RIPOR2: variants seen among roughly 807,000 people sequenced by gnomAD.
RIPOR2 encodes the protein RHO family interacting cell polarization regulator 2.
Under a neutral mutation model 114.5 loss-of-function variants are expected in RIPOR2, and 39 were observed. The ratio of observed to expected loss-of-function variants is 0.34; its 90% CI spans 0.26 to 0.44. The LOEUF (loss-of-function observed/expected upper bound fraction) is 0.44, where lower values mean the gene tolerates loss of function less well. RIPOR2 is among the 20% of genes least tolerant of loss of function. RIPOR2 has a pLI of 1.00. For synonymous variants in RIPOR2, 445 were observed against 484.4 expected, an observed-to-expected ratio of 0.92 and a Z score of 1.07; for missense variants, 1,007 against 1,255.1, an observed-to-expected ratio of 0.80 and a Z score of 2.99.
intron 1 of RIPOR2, among the ~76,000 whole-genome samples, chr6:24,961,977 C>T (rs1420369311): frequency 3.9e-5 from 6 of 152,104 alleles, no homozygotes; most frequent in Non-Finnish European, 7.4e-5. Flanking sequence ...TTTTATTACC[C>T]TCATTACACA....
At chr6:24,856,256 A>C (rs1012094050) in intron 8 of RIPOR2, among the ~76,000 whole-genome samples, 1 of 152,176 alleles carries the variant, frequency 6.6e-6, no homozygotes, top group South Asian at 2.1e-4. Flanking sequence ...AGCTTTCAAT[A>C]ATAATTAGAA....
intron 18 of RIPOR2, 78 bp downstream of exon 18, chr6:24,828,059 C>CA: frequency 1.6e-6 from 2 of 1,271,756 alleles, no homozygotes; most frequent in Non-Finnish European, 2.1e-6. Flanking sequence ...CCATCATTGC[C>CA]AAAAGCCATG....
chr6:25,038,542 A>G (rs1398282832), intron 1 of RIPOR2, among the ~76,000 whole-genome samples: 4 of 152,202 alleles, frequency 2.6e-5, no homozygotes, highest in Non-Finnish European at 5.9e-5. Flanking sequence ...GAAGCAAACT[A>G]CCATGTTATG....
At chr6:24,844,862 T>C (rs1762100214) in intron 12 of RIPOR2, among the ~76,000 whole-genome samples, 1 of 152,134 alleles carries the variant, frequency 6.6e-6, no homozygotes, top group South Asian at 2.1e-4. Context: ...GTTTTAATTA[T>C]ATAGAAACTG....
At chr6:24,899,060 C>T (rs1768165302) in intron 1 of RIPOR2, among the ~76,000 whole-genome samples, 1 of 150,204 alleles carries the variant, frequency 6.7e-6, no homozygotes, top group Admixed American at 6.7e-5. Context: ...TGACAAAAGT[C>T]ACAAGGAAAT....
At chr6:25,013,978 A>T (rs1310700332) in intron 1 of RIPOR2, among the ~76,000 whole-genome samples, 3 of 152,178 alleles carry the variant, frequency 2.0e-5, no homozygotes, top group Non-Finnish European at 4.4e-5. Flanking sequence ...CAGGCCAAAA[A>T]TTTAGGACTG....
chr6:24,810,771 T>C (rs1176998437), intron 20 of RIPOR2, among the ~76,000 whole-genome samples: 1 of 152,018 alleles, frequency 6.6e-6, no homozygotes, highest in East Asian at 1.9e-4. Context: ...AATTTTTTTT[T>C]TAACCAAGTA....
At chr6:24,885,412 C>T (rs972549565) in intron 1 of RIPOR2, among the ~76,000 whole-genome samples, 11 of 151,934 alleles carry the variant, frequency 7.2e-5, no homozygotes, top group Admixed American at 6.6e-5. Flanking sequence ...TTAGTAAAGA[C>T]GAGATGTTGC....
intron 1 of RIPOR2, among the ~76,000 whole-genome samples, chr6:25,031,526 A>T (rs775749924): frequency 5.3e-5 from 8 of 150,374 alleles, no homozygotes; most frequent in African/African-American, 1.2e-4. Context: ...ATGACTAAAA[A>T]TTTTTTTAAA....
intron 13 of RIPOR2, among the ~76,000 whole-genome samples, 170 bp downstream of exon 13, chr6:24,842,691 TA>T (rs1761837606): frequency 1.3e-5 from 2 of 152,138 alleles, no homozygotes; most frequent in South Asian, 4.1e-4. Context: ...GTTTGGAAAA[TA>T]AAACTTAATA....
At chr6:25,031,740 T>TAGA (rs1561855874) in intron 1 of RIPOR2, among the ~76,000 whole-genome samples, 9 of 68,124 alleles carry the variant, frequency 1.3e-4, no homozygotes, top group Non-Finnish European at 2.7e-4. Flanking sequence ...TATATATATA[T>TAGA]ATATATATAT....
At chr6:24,999,056 G>A (rs1021141818) in intron 1 of RIPOR2, among the ~76,000 whole-genome samples, 1 of 152,180 alleles carries the variant, frequency 6.6e-6, no homozygotes, top group African/African-American at 2.4e-5. Context: ...TCAAATGAAG[G>A]CTGATAGGGA....
chr6:24,851,120 C>T (rs192026249), intron 9 of RIPOR2, among the ~76,000 whole-genome samples: 120 of 152,242 alleles, frequency 7.9e-4, no homozygotes, highest in Non-Finnish European at 1.2e-3. Flanking sequence ...GTCTCAAACT[C>T]CTGACCTCAG....
chr6:24,841,122 G>T (rs1761676296), intron 13 of RIPOR2, among the ~76,000 whole-genome samples: 1 of 152,158 alleles, frequency 6.6e-6, no homozygotes, highest in Non-Finnish European at 1.5e-5. Flanking sequence ...TTTTAATAAT[G>T]CTTAGTGTTT....
At chr6:24,972,840 A>G (rs1239013093) in intron 1 of RIPOR2, among the ~76,000 whole-genome samples, 1 of 152,198 alleles carries the variant, frequency 6.6e-6, no homozygotes, top group Non-Finnish European at 1.5e-5. Context: ...CACCCTTGAA[A>G]AATCTGTTTT....
chr6:24,929,570 A>C (rs953005387), intron 1 of RIPOR2: 2 of 152,036 alleles, frequency 1.3e-5, no homozygotes, highest in African/African-American at 4.8e-5. Context: ...TTGCTCTCCA[A>C]CTTTTCTCTG....
chr6:24,881,970 C>T (rs941548927), intron 1 of RIPOR2, among the ~76,000 whole-genome samples: 1 of 152,154 alleles, frequency 6.6e-6, no homozygotes, highest in Non-Finnish European at 1.5e-5. Flanking sequence ...AGAATTTGCA[C>T]CTCCTTGGAG....
intron 1 of RIPOR2, among the ~76,000 whole-genome samples, chr6:25,018,987 T>C (rs1332134244): frequency 6.6e-6 from 1 of 152,206 alleles, no homozygotes; most frequent in African/African-American, 2.4e-5. Context: ...GCTGGGATTT[T>C]CTCATCATCT....
intron 7 of RIPOR2, among the ~76,000 whole-genome samples, chr6:24,862,967 T>C (rs1764221359): frequency 1.3e-5 from 2 of 152,264 alleles, no homozygotes; most frequent in Admixed American, 6.5e-5. Context: ...TTTTTTGTTT[T>C]TTTGAGATAG....
Sources: gnomAD v4.1 joint callset for allele counts (sites outside exome capture counted in the v4.1 genomes callset) on GRCh38, gnomAD v4.1.1 for gene constraint, MANE v1.5 for transcripts, NCBI Gene and HGNC (gene_info 2026-07-23, HGNC 2026-07-21) for gene names.